CDH1: variants seen among roughly 807,000 people sequenced by gnomAD.
CDH1 encodes the protein cadherin-1.
CDH1 carries 35 observed loss-of-function variants against 84.5 expected under a neutral mutation model. The observed-to-expected ratio is 0.41, with a 90% CI of 0.32 to 0.55. The LOEUF (loss-of-function observed/expected upper bound fraction) is 0.55, where lower values mean the gene tolerates loss of function less well. Ranked by LOEUF, CDH1 falls within the 20% of genes least tolerant of loss-of-function variation. CDH1 has a pLI of 0.19. For synonymous variants in CDH1, 417 were observed against 439.0 expected, an observed-to-expected ratio of 0.95 and a Z score of 0.63; for missense variants, 994 against 1,126.6, an observed-to-expected ratio of 0.88 and a Z score of 1.68.
intron 2 of CDH1, among the ~76,000 whole-genome samples, chr16:68,770,088 A>C (rs1170560706): frequency 6.7e-6 from 1 of 150,200 alleles, no homozygotes; most frequent in Non-Finnish European, 1.5e-5. Context: ...CCTGTCAATT[A>C]GGGGTCCTTT....
At chr16:68,804,115 T>C (rs1250147704) in intron 3 of CDH1, among the ~76,000 whole-genome samples, 1 of 123,640 alleles carries the variant, frequency 8.1e-6, no homozygotes, top group East Asian at 2.3e-4. Flanking sequence ...TTTTTTTTTT[T>C]TTTTTTTTTT....
chr16:68,768,211 G>T (rs1959445996), intron 2 of CDH1, among the ~76,000 whole-genome samples: 1 of 152,202 alleles, frequency 6.6e-6, no homozygotes, highest in Non-Finnish European at 1.5e-5. Context: ...CTCCCGAAGT[G>T]CTGGGATTAC....
intron 2 of CDH1, among the ~76,000 whole-genome samples, chr16:68,753,633 G>A (rs1261193283): frequency 1.3e-5 from 2 of 151,860 alleles, no homozygotes; most frequent in Admixed American, 6.6e-5. Context: ...CACCGCGCCC[G>A]GCACATCTTA....
rs541181328 is a variant in CDH1 at position 68,786,354 on chromosome 16, T to C, written c.164-15316T>C. Reference sequence around the variant, plus strand: ...GCCTGGCTTGTTTTTGTATTTTTAGTAGAGACAGGGTTTCACCATGATGGT... The same window carrying C: ...GCCTGGCTTGTTTTTGTATTTTTAGCAGAGACAGGGTTTCACCATGATGGT... On this transcript the variant is annotated intron_variant, in intron 2 of 15. Coordinates refer to ENST00000261769, the MANE Select transcript of CDH1 (RefSeq NM_004360.5). 1.5e-4 allele frequency among the ~76,000 whole-genome samples: 23 copies of C among 151,862 alleles called. No individual in the cohort carries two copies. The South Asian group carries it at 2.1e-3, about 14-fold the overall frequency.
chr16:68,817,565 G>C (rs552760175), intron 10 of CDH1, among the ~76,000 whole-genome samples: 20 of 152,258 alleles, frequency 1.3e-4, no homozygotes, highest in African/African-American at 4.8e-4. Flanking sequence ...CCTTATCCAA[G>C]TGATCAAAGT....
chr16:68,771,559 C>T (rs1382841419), intron 2 of CDH1, among the ~76,000 whole-genome samples: 3 of 151,994 alleles, frequency 2.0e-5, no homozygotes, highest in Non-Finnish European at 4.4e-5. Flanking sequence ...CGAGACCATC[C>T]TGGCCAACAT....
chr16:68,796,469 G>A (rs1339311913), intron 2 of CDH1, among the ~76,000 whole-genome samples: 4 of 152,168 alleles, frequency 2.6e-5, no homozygotes, highest in South Asian at 2.1e-4. Context: ...GGGACCAGGC[G>A]GGCGTGGGAG....
intron 2 of CDH1, among the ~76,000 whole-genome samples, chr16:68,778,684 G>A (rs1432666407): frequency 2.6e-5 from 4 of 152,136 alleles, no homozygotes; most frequent in African/African-American, 9.7e-5. Context: ...TTTTCCAGAT[G>A]AGCCTAAGCT....
At chr16:68,760,919 G>A (rs571527838) in intron 2 of CDH1, among the ~76,000 whole-genome samples, 152 of 152,278 alleles carry the variant, frequency 1.0e-3, no homozygotes, top group Middle Eastern at 6.8e-3. Flanking sequence ...CTGAGAGGGG[G>A]ATGCCCCAAG....
intron 2 of CDH1, among the ~76,000 whole-genome samples, chr16:68,743,617 C>G (rs1483343575): frequency 6.6e-6 from 1 of 151,970 alleles, no homozygotes; most frequent in Non-Finnish European, 1.5e-5. Context: ...CTACCTGCCT[C>G]AGCCTCCCTA....
chr16:68,741,084 G>A (rs1268274071), intron 2 of CDH1, among the ~76,000 whole-genome samples: 1 of 151,684 alleles, frequency 6.6e-6, no homozygotes. Flanking sequence ...GGGAGGTGGC[G>A]GGGGACCCTG....
At chr16:68,778,183 G>A (rs1353184039) in intron 2 of CDH1, among the ~76,000 whole-genome samples, 1 of 152,062 alleles carries the variant, frequency 6.6e-6, no homozygotes, top group Non-Finnish European at 1.5e-5. Flanking sequence ...AAGTAGTTGG[G>A]GCTACAGGCA....
chr16:68,828,248 G>A lies in CDH1; in HGVS notation c.2239G>A (p.Asp747Asn), dbSNP rs769819324. The A allele has an allele frequency of 6.2e-7, 1 of 1,614,104 alleles. No homozygotes were observed. Among genetic ancestry groups the A allele is most frequent in the Middle Eastern group, 1.6e-4 (1 of 6,062 alleles). The change falls in exon 14 of 16, where the codon GAC becomes AAC. Residue 747 changes from aspartate (D) to asparagine (N), a missense_variant. Around this residue, in one of 3 missense-constraint regions of CDH1, gnomAD observed 769 missense variants for 881.8 expected, o/e 0.87. Transcript: ENST00000261769. ...AGAGCCCTTACTGCCCCCAGAGGAT[G>A]ACACCCGGGACAACGTTTATTACTA... is the stretch of plus-strand genomic sequence containing the variant. ...VKEPLLPPED[D>N]TRDNVYYYDE... is the part of the protein sequence containing the mutation.
At chr16:68,809,671 G>A (rs768247044) in intron 5 of CDH1, among the ~76,000 whole-genome samples, 5 of 152,014 alleles carry the variant, frequency 3.3e-5, no homozygotes, top group Non-Finnish European at 7.4e-5. Context: ...GACTAAAGGC[G>A]CAGGCCACCA....
At chr16:68,801,928 T>G (rs758348194) in intron 3 of CDH1, 35 bp downstream of exon 3, 3 of 1,521,698 alleles carry the variant, frequency 2.0e-6, no homozygotes, top group Non-Finnish European at 2.7e-6. Flanking sequence ...TTCGCTGTTG[T>G]TTTAGTGCGC....
intron 2 of CDH1, among the ~76,000 whole-genome samples, chr16:68,761,786 A>T (rs1597857242): frequency 6.6e-6 from 1 of 152,218 alleles, no homozygotes; most frequent in East Asian, 1.9e-4. Context: ...GGCGTTCTAG[A>T]TGGAGGGAAC....
intron 3 of CDH1, among the ~76,000 whole-genome samples, chr16:68,803,955 C>T (rs1413746149): frequency 2.0e-5 from 3 of 152,092 alleles, no homozygotes; most frequent in Non-Finnish European, 4.4e-5. Context: ...CACATGACCT[C>T]ATCCTCAAGG....
chr16:68,789,387 AGGGAT>A (rs1221093619), intron 2 of CDH1, among the ~76,000 whole-genome samples: 2 of 152,072 alleles, frequency 1.3e-5, no homozygotes, highest in Non-Finnish European at 2.9e-5. Flanking sequence ...CAGGATGTAA[AGGGAT>A]GCAGGACAAG....
chr16:68,827,288 A>G (rs1300101758), intron 13 of CDH1, among the ~76,000 whole-genome samples: 1 of 152,000 alleles, frequency 6.6e-6, no homozygotes, highest in African/African-American at 2.4e-5. Context: ...TAATAAATAA[A>G]TAAATAAATA....
Sources: gnomAD v4.1 joint callset for allele counts (sites outside exome capture counted in the v4.1 genomes callset) on GRCh38, gnomAD v4.1.1 for gene constraint, gnomAD v4.1.1 regional missense constraint, MANE v1.5 for transcripts, NCBI Gene and HGNC (gene_info 2026-07-23, HGNC 2026-07-21) for gene names.